TJP2: variants seen among roughly 807,000 people sequenced by gnomAD.
TJP2 encodes the protein Friedreich ataxia region gene X104 (tight junction protein ZO-2).
TJP2 carries 91 observed loss-of-function variants against 133.1 expected under a neutral mutation model. The observed-to-expected ratio is 0.68, with a 90% CI of 0.58 to 0.81. TJP2 has a LOEUF of 0.81. Ranked by LOEUF, TJP2 falls within the 40% of genes least tolerant of loss-of-function variation. The probability of loss-of-function intolerance (pLI) is 0.00; values close to 1 mark genes in which losing one functional copy is unlikely to be tolerated. For synonymous variants in TJP2, 592 were observed against 583.4 expected, an observed-to-expected ratio of 1.01 and a Z score of -0.21; for missense variants, 1,541 against 1,565.6, an observed-to-expected ratio of 0.98 and a Z score of 0.26.
At chr9:69,230,040 A>G (rs1230761786) in intron 10 of TJP2, 42 bp from the exon 11 acceptor site, 1 of 1,612,400 alleles carries the variant, frequency 6.2e-7, no homozygotes, top group Non-Finnish European at 8.5e-7. Context: ...CCTTTTAAAA[A>G]ATATCTCCCA....
At chr9:69,168,543 C>T (rs1824484297) in intron 2 of TJP2, among the ~76,000 whole-genome samples, 1 of 152,028 alleles carries the variant, frequency 6.6e-6, no homozygotes, top group Admixed American at 6.6e-5. Context: ...GCCTGTAATC[C>T]CAGCGCTTTG....
chr9:69,188,443 T>C (rs1167904962), intron 1 of TJP2, among the ~76,000 whole-genome samples: 1 of 152,198 alleles, frequency 6.6e-6, no homozygotes, highest in Non-Finnish European at 1.5e-5. Flanking sequence ...ATTTGAAACC[T>C]GTAGATTCTG....
At chr9:69,217,017 C>G (rs1658414436) in intron 3 of TJP2, among the ~76,000 whole-genome samples, 1 of 134,816 alleles carries the variant, frequency 7.4e-6, no homozygotes, top group South Asian at 2.3e-4. Flanking sequence ...CAGACAGAGT[C>G]TTGCTCTGTC....
At chr9:69,231,718 C>T (rs901472300) in intron 11 of TJP2, among the ~76,000 whole-genome samples, 8 of 152,150 alleles carry the variant, frequency 5.3e-5, no homozygotes, top group Non-Finnish European at 1.2e-4. Context: ...ATTCTAGACC[C>T]TCCTTGGCCC....
At chr9:69,140,046 C>T (rs1822947930) in intron 1 of TJP2, among the ~76,000 whole-genome samples, 1 of 152,194 alleles carries the variant, frequency 6.6e-6, no homozygotes, top group Non-Finnish European at 1.5e-5. Flanking sequence ...CTGCCCTGGC[C>T]TCCTTCTTTC....
chr9:69,164,937 C>G (rs1457997411), intron 2 of TJP2, among the ~76,000 whole-genome samples: 1 of 152,156 alleles, frequency 6.6e-6, no homozygotes, highest in Non-Finnish European at 1.5e-5. Context: ...TCAAGCGATT[C>G]TCCTGCCTCA....
At chr9:69,217,292 G>A (rs1429165184) in intron 3 of TJP2, among the ~76,000 whole-genome samples, 2 of 152,176 alleles carry the variant, frequency 1.3e-5, no homozygotes, top group Non-Finnish European at 2.9e-5. Flanking sequence ...TACCCAGCTG[G>A]TAACACCATT....
chr9:69,205,445 T>A, intron 1 of TJP2: 1 of 1,003,478 alleles, frequency 1.0e-6, no homozygotes, highest in Non-Finnish European at 1.4e-6. Context: ...TATGTGAAAC[T>A]GATAGCCTCT....
At chr9:69,133,733 TACAG>T (rs1454358427) in intron 1 of TJP2, among the ~76,000 whole-genome samples, 1 of 151,854 alleles carries the variant, frequency 6.6e-6, no homozygotes, top group East Asian at 1.9e-4. Flanking sequence ...ATATTTTTAG[TACAG>T]ACAGTGTTTC....
intron 1 of TJP2, among the ~76,000 whole-genome samples, chr9:69,191,301 A>G (rs1051376273): frequency 4.6e-5 from 7 of 152,224 alleles, no homozygotes; most frequent in Admixed American, 3.3e-4. Context: ...TGTATCATCA[A>G]ACATTTCTGT....
rs1829465645 is a variant in TJP2 at position 69,227,869 on chromosome 9, C to T, written c.1315C>T (p.Pro439Ser). ...CTCAAGTGAGAAGCTGAAGGAAAGG[C>T]CAAGGTAAGATGACATGAATATTCT... is the stretch of plus-strand genomic sequence containing the variant. ...HSSSEKLKER[P>S]SSREDTPSRL... Residue 439 changes from proline to serine, a missense_variant, in exon 8 of 23, where the codon CCA becomes TCA. Pro to Ser is a moderately conservative substitution (Grantham distance 74). Coordinates refer to ENST00000377245, the MANE Select transcript of TJP2 (RefSeq NM_004817.4). 6.2e-7 allele frequency: 1 copy of T among 1,613,132 alleles called. No homozygotes were observed. Among genetic ancestry groups the T allele is most frequent in the African/African-American group, 1.3e-5 (1 of 74,968 alleles).
chr9:69,219,397 C>G (rs1828636995), intron 4 of TJP2, among the ~76,000 whole-genome samples: 1 of 152,160 alleles, frequency 6.6e-6, no homozygotes, highest in South Asian at 2.1e-4. Context: ...TTTACTTGGT[C>G]TCTGTATGTA....
chr9:69,242,705 C>T (rs1166268006), intron 17 of TJP2, among the ~76,000 whole-genome samples: 2 of 152,322 alleles, frequency 1.3e-5, no homozygotes, highest in Admixed American at 6.5e-5. Context: ...TGACTCCCTA[C>T]AGCTGTGTGG....
Position 69,249,551 on chromosome 9 carries a change from G to A in TJP2, c.2991+66G>A, listed in dbSNP as rs959558739. On this transcript the variant is annotated intron_variant, in intron 20 of 22. Transcript: ENST00000377245. ...CAGATGCCTCTGAAGCCTCCTGGAC[G>A]GCCAGGGAGGAGCATGCACACTGAG... 35 of 1,553,586 alleles carry A rather than the reference G, an allele frequency of 2.3e-5. No homozygotes were observed. In the East Asian group the frequency reaches 3.2e-4, roughly 14 times the overall value.
chr9:69,203,607 A>ATTGTTTTTTTTTTT (rs1827167139), intron 1 of TJP2, among the ~76,000 whole-genome samples: 2 of 67,860 alleles, frequency 2.9e-5, no homozygotes, highest in African/African-American at 1.3e-4. Flanking sequence ...CCCAGCCTGG[A>ATTGTTTTTTTTTTT]TTTTTTTTTT....
At chr9:69,170,299 T>C (rs1824608468), upstream of TJP2, among the ~76,000 whole-genome samples, 1 of 152,154 alleles carries the variant, frequency 6.6e-6, no homozygotes, top group African/African-American at 2.4e-5. Context: ...TACTTTCCAG[T>C]TTTTATTTTT....
At chr9:69,158,882 G>A (rs1014957798) in intron 2 of TJP2, among the ~76,000 whole-genome samples, 1 of 152,020 alleles carries the variant, frequency 6.6e-6, no homozygotes, top group Non-Finnish European at 1.5e-5. Context: ...CAGTTGAATG[G>A]TTGGTGACAA....
chr9:69,215,690 G>GTTT (rs11427491), intron 2 of TJP2, among the ~76,000 whole-genome samples: 4 of 147,578 alleles, frequency 2.7e-5, no homozygotes, highest in Non-Finnish European at 1.5e-5. Context: ...TAGGCAGAAG[G>GTTT]TTTTTTTTTT....
At chr9:69,199,154 AC>A (rs1564428209) in intron 1 of TJP2, among the ~76,000 whole-genome samples, 8 of 152,178 alleles carry the variant, frequency 5.3e-5, no homozygotes, top group Non-Finnish European at 1.5e-5. Context: ...AGGTTTACCT[AC>A]CAGCCTAGGC....
Sources: allele counts gnomAD v4.1 joint callset (sites outside exome capture counted in the v4.1 genomes callset), GRCh38; gene constraint gnomAD v4.1.1; transcripts MANE v1.5; gene names NCBI Gene and HGNC (gene_info 2026-07-23, HGNC 2026-07-21).